Variants in THBS2 observed in about 807,000 individuals in gnomAD.
THBS2 encodes the protein thrombospondin 2.
In THBS2, 47 loss-of-function variants were observed where a neutral mutation model predicts 135.2. That is an observed-to-expected ratio of 0.35 (90% CI 0.28 to 0.44). The LOEUF (loss-of-function observed/expected upper bound fraction) is 0.44. Ranked by LOEUF, THBS2 falls within the 20% of genes least tolerant of loss-of-function variation. The probability of loss-of-function intolerance (pLI) is 1.00; values close to 1 mark genes in which losing one functional copy is unlikely to be tolerated. For synonymous variants in THBS2, 639 were observed against 633.8 expected, an observed-to-expected ratio of 1.01 and a Z score of -0.12; for missense variants, 1,288 against 1,603.1, an observed-to-expected ratio of 0.80 and a Z score of 3.36.
rs780894250 is a variant in THBS2, at chr6:169,237,603, G to A, written c.1300+22C>T. On this transcript the variant is annotated intron_variant, in intron 8 of 21. Transcript: ENST00000617924. ...CGGCCCCACCCCCACAGGCACGCGG[G>A]TGTCACCTGCCCGACACTCACTGCG... 1.9e-6 allele frequency: 3 copies of A among 1,610,798 alleles called. No homozygotes were observed. The Admixed American group carries it at 5.0e-5, about 27-fold the overall frequency.
At chr6:169,228,433 C>A in intron 14 of THBS2, 152 bp from the exon 15 acceptor site, 1 of 936,104 alleles carries the variant, frequency 1.1e-6, no homozygotes, top group Non-Finnish European at 1.6e-6. Context: ...CGGTGGCTCA[C>A]ACCTTTAATC....
chr6:169,246,104 A>C (rs73046008), intron 4 of THBS2, 93 bp downstream of exon 4: 237,349 of 1,011,534 alleles, frequency 0.23, 30,450 homozygotes, highest in Middle Eastern at 0.32. Flanking sequence ...TACAAGCATG[A>C]ATGCACACAC....
intron 1 of THBS2, among the ~76,000 whole-genome samples, chr6:169,251,834 C>A (rs373795278): frequency 0.15 from 20,646 of 133,490 alleles, 1,757 homozygotes; most frequent in East Asian, 0.26. Flanking sequence ...GCTGGGACCC[C>A]CCCCCCAAAC....
At chr6:169,228,422 A>T (rs1779717223) in intron 14 of THBS2, 141 bp from the exon 15 acceptor site, 1 of 1,027,572 alleles carries the variant, frequency 9.7e-7, no homozygotes, top group Non-Finnish European at 1.4e-6. Flanking sequence ...TTAGGGCTGG[A>T]CGGTGGCTCA....
intron 6 of THBS2, 81 bp from the exon 7 acceptor site, chr6:169,239,776 C>T (rs953523207): frequency 2.8e-5 from 30 of 1,054,074 alleles, no homozygotes; most frequent in Non-Finnish European, 4.0e-5. Flanking sequence ...TAGAAGGGGT[C>T]GACAGAATGG....
chr6:169,228,217 C>T lies in THBS2; in HGVS notation c.2324G>A (p.Arg775His), dbSNP rs368102843. The T allele has an allele frequency of 2.8e-5, 45 of 1,614,170 alleles. No individual in the cohort carries two copies. The East Asian group carries it at 3.1e-4, about 11-fold the overall frequency. The change falls in exon 15 of 22, where the codon CGC becomes CAC. Residue 775 changes from arginine (R) to histidine (H), a missense_variant. Arg to His is a conservative substitution (Grantham distance 29). This residue lies in a region of THBS2 where 874 missense variants were observed against 1,156.1 expected (regional missense o/e 0.76). Coordinates refer to ENST00000617924, the MANE Select transcript of THBS2 (RefSeq NM_003247.5). ...ADYDKDEVGDRCDNCPYVHNP... is the reference protein window; with the variant it reads ...ADYDKDEVGDHCDNCPYVHNP... ...GTGCACGTAAGGGCAGTTGTCACAG[C>T]GGTCCCCAACCTCATCCTTGTCATA...
intron 7 of THBS2, chr6:169,239,238 G>A (rs959987163): frequency 6.7e-6 from 2 of 297,058 alleles, no homozygotes; most frequent in Non-Finnish European, 1.3e-5. Flanking sequence ...TGTGTGTACA[G>A]TGATCACTTG....
At chr6:169,250,481 T>G (rs1374955354) in intron 2 of THBS2, among the ~76,000 whole-genome samples, 1 of 152,206 alleles carries the variant, frequency 6.6e-6, no homozygotes, top group Non-Finnish European at 1.5e-5. Flanking sequence ...GTGAACATCC[T>G]CTATAGAAAA....
intron 3 of THBS2, 25 bp downstream of exon 3, chr6:169,248,392 G>T (rs1479165591): frequency 6.3e-7 from 1 of 1,576,170 alleles, no homozygotes; most frequent in Middle Eastern, 2.0e-4. Flanking sequence ...CTCCCTCACG[G>T]CGGCCACCTC....
At chr6:169,231,191 C>T (rs949008388) in intron 13 of THBS2, among the ~76,000 whole-genome samples, 1 of 152,136 alleles carries the variant, frequency 6.6e-6, no homozygotes, top group Admixed American at 6.5e-5. Flanking sequence ...TGAGGCTCAT[C>T]CTGGATTATC....
chr6:169,238,604 G>C (rs989214934), intron 7 of THBS2, among the ~76,000 whole-genome samples: 1 of 152,160 alleles, frequency 6.6e-6, no homozygotes, highest in African/African-American at 2.4e-5. Context: ...GCACTTTTAC[G>C]CATATTGAAT....
At position 169,222,288 on chromosome 6, in the gene THBS2, G is replaced by C; in HGVS notation, c.3182C>G (p.Ser1061Cys). The change falls in exon 19 of 22, where the codon TCC (serine) becomes TGC (cysteine). Residue 1061 changes from serine to cysteine, a missense_variant. Around this residue, in one of 2 missense-constraint regions of THBS2, gnomAD observed 874 missense variants for 1,156.1 expected, o/e 0.76. Coordinates refer to ENST00000617924, the MANE Select transcript of THBS2 (RefSeq NM_003247.5). ...EDQPTRAYGY[S>C]GVSLKVVNST... ...GTTCACCACCTTGAGGGACACGCCG[G>C]AGTAGCCATAGGCCCGCGTGGGCTG... The C allele has an allele frequency of 6.2e-7, 1 of 1,613,340 alleles. No homozygotes were observed.
At chr6:169,231,891 C>A in intron 13 of THBS2, 89 bp downstream of exon 13, 1 of 1,402,110 alleles carries the variant, frequency 7.1e-7, no homozygotes. Context: ...CCCTGTGCTG[C>A]CCCCGCCCCC....
intron 21 of THBS2, among the ~76,000 whole-genome samples, chr6:169,219,254 G>T (rs1470897079): frequency 7.1e-5 from 6 of 84,838 alleles, no homozygotes; most frequent in Admixed American, 7.1e-4. Context: ...AGATGGATAG[G>T]TGGATGGGTG....
intron 9 of THBS2, among the ~76,000 whole-genome samples, chr6:169,236,401 T>C (rs1377172120): frequency 7.3e-5 from 6 of 82,228 alleles, no homozygotes; most frequent in East Asian, 4.5e-4. Flanking sequence ...TCCACACTCA[T>C]TCCCCCATAA....
Position 169,217,499 on chromosome 6 carries a change from T to G in THBS2, c.*323A>C, listed in dbSNP as rs1779217386. ...ACATAAATACAATAAGTAATTACAT[T>G]TTATATGTAAACGTCATTCTTTTTA... On this transcript the variant is annotated 3_prime_UTR_variant, in exon 22 of 22. Coordinates refer to ENST00000617924, the MANE Select transcript of THBS2 (RefSeq NM_003247.5). 1 of 362,642 alleles carries G rather than the reference T, an allele frequency of 2.8e-6. No individual in the cohort carries two copies. Among genetic ancestry groups the G allele is most frequent in the East Asian group, 4.2e-5 (1 of 23,786 alleles). 22.5% of individuals were successfully genotyped at this position (362,642 alleles called of 1,614,324 possible). A position where few individuals can be genotyped will look rare whatever the true frequency, so the allele number is the denominator to read the frequency against.
Position 169,231,993 on chromosome 6 carries a change from T to C in THBS2, c.2138A>G (p.Tyr713Cys). The C allele has an allele frequency of 6.2e-7, 1 of 1,613,748 alleles. No homozygotes were observed. The highest frequency in any genetic ancestry group is 2.2e-5 in the East Asian group (1 of 44,844). Reference sequence around the variant, plus strand: ...CCCGCGCCTCACCTTGATGCAGTGGTAGGTGGCGTTGGTGGCGCAGACCAG... The same window carrying C: ...CCCGCGCCTCACCTTGATGCAGTGGCAGGTGGCGTTGGTGGCGCAGACCAG... Reference protein sequence around the residue: ...LNLVCATNATYHCIKDNCPHL... With the variant: ...LNLVCATNATCHCIKDNCPHL... Residue 713 changes from tyrosine (Y) to cysteine (C), a missense_variant, in exon 13 of 22, where the codon TAC becomes TGC. Tyr to Cys is a radical substitution (Grantham distance 194). Transcript: ENST00000617924.
chr6:169,237,124 T>C (rs1237242181), intron 9 of THBS2, 46 bp downstream of exon 9: 1 of 1,559,438 alleles, frequency 6.4e-7, no homozygotes, highest in Non-Finnish European at 8.6e-7. Context: ...CACTGTGAGC[T>C]GCCTGCAAGC....
At chr6:169,247,768 TGTGC>T (rs1411403302) in intron 3 of THBS2, among the ~76,000 whole-genome samples, 1 of 151,986 alleles carries the variant, frequency 6.6e-6, no homozygotes. Flanking sequence ...GTGTGGTGTG[TGTGC>T]ATGTGTGGTA....
Sources: allele counts gnomAD v4.1 joint callset (sites outside exome capture counted in the v4.1 genomes callset), GRCh38; gene constraint gnomAD v4.1.1; regional missense constraint gnomAD v4.1.1; transcripts MANE v1.5; gene names NCBI Gene and HGNC (gene_info 2026-07-23, HGNC 2026-07-21).